The following GPN2 variants were observed in gnomAD, a reference collection of about 807,000 sequenced individuals.
GPN2 encodes ATP-binding domain 1 family member B.
GPN2 carries 27 observed loss-of-function variants against 30.1 expected under a neutral mutation model. The ratio of observed to expected loss-of-function variants is 0.90; its 90% CI spans 0.66 to 1.24. GPN2 has a LOEUF of 1.24. Ranked by LOEUF, GPN2 falls within the 50% of genes most tolerant of loss-of-function variation. The pLI is 0.00. For missense variants in GPN2, 406 were observed against 405.4 expected (o/e 1.00, Z -0.01); for synonymous variants, 212 against 174.4 (o/e 1.22, Z -1.70).
chr1:26,890,256 G>C lies in GPN2; in HGVS notation c.-160C>G, dbSNP rs918393436. ...CAGCTGAGACCGTGTCGCGCAAAAGGAGATAACAGGCCGATACTAACTAGA... is the reference window on the plus strand; with the variant it reads ...CAGCTGAGACCGTGTCGCGCAAAAGCAGATAACAGGCCGATACTAACTAGA... On this transcript the variant is annotated 5_prime_UTR_variant, in exon 1 of 5. Transcript: ENST00000374135. The C allele has an allele frequency of 4.7e-6, 3 of 633,326 alleles. No individual in the cohort carries two copies. Among genetic ancestry groups the C allele is most frequent in the Non-Finnish European group, 7.8e-6 (3 of 383,206 alleles). The allele number at this position is 633,326 out of a possible 1,614,324, so 39.2% of individuals were successfully genotyped here.
intron 4 of GPN2, among the ~76,000 whole-genome samples, chr1:26,881,849 G>A (rs1002539267): frequency 2.6e-5 from 4 of 152,090 alleles, no homozygotes; most frequent in Non-Finnish European, 5.9e-5. Flanking sequence ...GTTCAAGGTC[G>A]CAGTGAGCTA....
chr1:26,882,551 G>A (rs1224166290), intron 4 of GPN2, among the ~76,000 whole-genome samples: 2 of 152,064 alleles, frequency 1.3e-5, no homozygotes, highest in East Asian at 1.9e-4. Flanking sequence ...CATATGGCTC[G>A]AGAAACATCA....
rs1002531362 is a variant in GPN2, at chr1:26,876,739, C to T, written c.*2938G>A. On this transcript the variant is annotated 3_prime_UTR_variant, in exon 5 of 5. Coordinates refer to ENST00000374135, the MANE Select transcript of GPN2 (RefSeq NM_018066.4). ...AGAGAACAGAAAATCATTTTGCTGCCAGTGGAAGGTAGACAGAAGCTACGT... is the reference window on the plus strand; with the variant it reads ...AGAGAACAGAAAATCATTTTGCTGCTAGTGGAAGGTAGACAGAAGCTACGT... The T allele has an allele frequency of 6.6e-6, 1 of 151,918 alleles. No homozygotes were observed. Among genetic ancestry groups the T allele is most frequent in the Admixed American group, 6.6e-5 (1 of 15,218 alleles). 9.4% of individuals were successfully genotyped at this position (151,918 alleles called of 1,614,324 possible). A position where few individuals can be genotyped will look rare whatever the true frequency, so the allele number is the denominator to read the frequency against.
In GPN2 at chr1:26,884,193, G is replaced by C; in HGVS notation, c.827C>G (p.Ser276Cys). The C allele has an allele frequency of 6.2e-7, 1 of 1,613,970 alleles. No individual in the cohort carries two copies. The highest frequency in any genetic ancestry group is 8.5e-7 in the Non-Finnish European group (1 of 1,179,964). Residue 276 changes from serine (S) to cysteine (C), a missense_variant, in exon 4 of 5, where the codon TCT becomes TGT. Ser to Cys is a moderately radical substitution (Grantham distance 112, BLOSUM62 -1). Transcript: ENST00000374135. Reference sequence around the variant, plus strand: ...ATGGAAGTCGGCTCCCATTGCGGCAGACATCATGGCTTCCAAGCTTCGCTG... The same window carrying C: ...ATGGAAGTCGGCTCCCATTGCGGCACACATCATGGCTTCCAAGCTTCGCTG... ...QEQRSLEAMMSAAMGADFHFS... is the reference protein window; with the variant it reads ...QEQRSLEAMMCAAMGADFHFS...
At chr1:26,880,514 T>C (rs1570690229) in intron 4 of GPN2, among the ~76,000 whole-genome samples, 1 of 152,186 alleles carries the variant, frequency 6.6e-6, no homozygotes, top group Non-Finnish European at 1.5e-5. Flanking sequence ...GGTTTCACCA[T>C]GTTGACAGAA....
Position 26,878,699 on chromosome 1 carries a change from A to T in GPN2, c.*978T>A, listed in dbSNP as rs1377386566. On this transcript the variant is annotated 3_prime_UTR_variant, in exon 5 of 5. Coordinates refer to ENST00000374135, the MANE Select transcript of GPN2 (RefSeq NM_018066.4). ...AACCTCTGACTCCTGGGTTCAAATG[A>T]TTCTCCTGCCTCAGCCTCCCAAGTA... 1.3e-5 allele frequency: 2 copies of T among 152,010 alleles called. No homozygotes were observed. Among genetic ancestry groups the T allele is most frequent in the South Asian group, 2.1e-4 (1 of 4,828 alleles). The allele number at this position is 152,010 out of a possible 1,614,324, so 9.4% of individuals were successfully genotyped here. A position where few individuals can be genotyped will look rare whatever the true frequency, so the allele number is the denominator to read the frequency against.
Position 26,879,561 on chromosome 1 carries a change from C to T in GPN2, c.*116G>A, listed in dbSNP as rs886293037. 6.4e-6 allele frequency: 5 copies of T among 785,684 alleles called. No individual in the cohort carries two copies. The highest frequency in any genetic ancestry group is 2.1e-5 in the Admixed American group (1 of 47,728). 48.7% of individuals were successfully genotyped at this position (785,684 alleles called of 1,614,324 possible). A position where few individuals can be genotyped will look rare whatever the true frequency, so the allele number is the denominator to read the frequency against. ...CTTTGCAGAGCTGAATATCCCCTTGCCAGCCCGCCAGCTCTGGCTGGGAGG... is the reference window on the plus strand; with the variant it reads ...CTTTGCAGAGCTGAATATCCCCTTGTCAGCCCGCCAGCTCTGGCTGGGAGG... On this transcript the variant is annotated 3_prime_UTR_variant, in exon 5 of 5. Coordinates refer to ENST00000374135, the MANE Select transcript of GPN2 (RefSeq NM_018066.4).
Position 26,889,964 on chromosome 1 carries a change from G to T in GPN2, c.133C>A (p.Leu45Met). 6.2e-7 allele frequency: 1 copy of T among 1,605,752 alleles called. No individual in the cohort carries two copies. The highest frequency in any genetic ancestry group is 8.5e-7 in the Non-Finnish European group (1 of 1,179,298). The change falls in exon 1 of 5, where the codon CTG (leucine) becomes ATG (methionine). Residue 45 changes from leucine to methionine, a missense_variant. By Grantham distance (15) the Leu-to-Met change is conservative (BLOSUM62 2). Coordinates refer to ENST00000374135, the MANE Select transcript of GPN2 (RefSeq NM_018066.4). ...GGCAGCCCCTCGTTGGCCGGGTCCA[G>T]GTTCACCACCGCCACGCGCCGGCCC... ...ALGRRVAVVN[L>M]DPANEGLPYE...
chr1:26,886,672 G>C, intron 2 of GPN2: 1 of 341,934 alleles, frequency 2.9e-6, no homozygotes, highest in Non-Finnish European at 5.8e-6. Context: ...CAAAAAATTA[G>C]CTGGGCGTGG....
rs562111085 is a variant in GPN2, at chr1:26,886,585, G to A, written c.569-452C>T. 156 of 399,484 alleles carry A rather than the reference G, an allele frequency of 3.9e-4. 1 individual carries two copies. The highest frequency in any genetic ancestry group is 2.9e-3 in the African/African-American group (143 of 48,764). 24.7% of individuals were successfully genotyped at this position (399,484 alleles called of 1,614,324 possible). On this transcript the variant is annotated intron_variant, in intron 2 of 4. Coordinates refer to ENST00000374135, the MANE Select transcript of GPN2 (RefSeq NM_018066.4). Reference sequence around the variant, plus strand: ...CAAGCCTGTAATCCCAGCACTTTGGGAGATGGACGGATCACAAGGTCAGGA... The same window carrying A: ...CAAGCCTGTAATCCCAGCACTTTGGAAGATGGACGGATCACAAGGTCAGGA...
chr1:26,883,075 TAA>T (rs1314655208), intron 4 of GPN2, among the ~76,000 whole-genome samples: 1 of 152,230 alleles, frequency 6.6e-6, no homozygotes, highest in African/African-American at 2.4e-5. Context: ...AGCAAGACTG[TAA>T]AACTCTTTTG....
At position 26,890,051 on chromosome 1, in the gene GPN2, C is replaced by G. The variant is rs1366361037; in HGVS notation, c.46G>C (p.Gly16Arg). 2 of 1,581,354 alleles carry G rather than the reference C, an allele frequency of 1.3e-6. No individual in the cohort carries two copies. The highest frequency in any genetic ancestry group is 1.3e-5 in the African/African-American group (1 of 74,428). The part of the protein sequence containing the change: ...PTTAFGQAVI[G>R]PPGSGKTTYC... ...GTGGTCTTCCCTGAGCCCGGCGGGC[C>G]GATCACCGCCTGCCCGAAGGCCGTG... The change falls in exon 1 of 5, where the codon GGC becomes CGC. Residue 16 changes from glycine to arginine, a missense_variant. By Grantham distance (125) the Gly-to-Arg change is moderately radical (BLOSUM62 -2). Transcript: ENST00000374135.
At chr1:26,881,261 A>G (rs1205254190) in intron 4 of GPN2, among the ~76,000 whole-genome samples, 1 of 152,190 alleles carries the variant, frequency 6.6e-6, no homozygotes, top group East Asian at 1.9e-4. Context: ...AACCTACCAC[A>G]CATCATAGCT....
intron 3 of GPN2, 56 bp from the exon 4 acceptor site, chr1:26,884,346 C>T: frequency 2.6e-6 from 4 of 1,548,164 alleles, no homozygotes; most frequent in Non-Finnish European, 3.5e-6. Context: ...TGTAAAACTG[C>T]TTGCAATCTC....
In GPN2 at chr1:26,884,108, T is replaced by C. The variant is rs2081878251; in HGVS notation, c.860+52A>G. 10 of 1,535,276 alleles carry C rather than the reference T, an allele frequency of 6.5e-6. No individual in the cohort carries two copies. In the East Asian group the frequency reaches 2.3e-4, roughly 35 times the overall value. On this transcript the variant is annotated intron_variant, in intron 4 of 4. Coordinates refer to ENST00000374135, the MANE Select transcript of GPN2 (RefSeq NM_018066.4). ...TGACTGCACCTCCTGTGGCCATTCTTGAGTCCCATGTCTCACCCTCTCTGC... is the reference window on the plus strand; with the variant it reads ...TGACTGCACCTCCTGTGGCCATTCTCGAGTCCCATGTCTCACCCTCTCTGC...
intron 2 of GPN2, 108 bp downstream of exon 2, chr1:26,888,861 T>C (rs2081904916): frequency 4.7e-6 from 5 of 1,060,176 alleles, no homozygotes; most frequent in East Asian, 2.4e-5. Flanking sequence ...CTGTGGCTAC[T>C]ATCACCAGAC....
At chr1:26,881,712 C>G (rs1304319281) in intron 4 of GPN2, among the ~76,000 whole-genome samples, 1 of 152,154 alleles carries the variant, frequency 6.6e-6, no homozygotes, top group Non-Finnish European at 1.5e-5. Flanking sequence ...CCAGCCTGGG[C>G]AACAGAGTGA....
chr1:26,884,352 A>G lies in GPN2; in HGVS notation c.730-62T>C, dbSNP rs1313481869. 3.9e-6 allele frequency: 6 copies of G among 1,532,312 alleles called. No individual in the cohort carries two copies. In the East Asian group the frequency reaches 6.9e-5, roughly 18 times the overall value. 94.9% of individuals were successfully genotyped at this position (1,532,312 alleles called of 1,614,324 possible). A position where few individuals can be genotyped will look rare whatever the true frequency, so the allele number is the denominator to read the frequency against. ...ACAGAAGTATGTAAAACTGCTTGCA[A>G]TCTCTAAATACACCTTCCTCCATCT... On this transcript the variant is annotated intron_variant, in intron 3 of 4. Coordinates refer to ENST00000374135, the MANE Select transcript of GPN2 (RefSeq NM_018066.4).
In GPN2 at chr1:26,889,725, C is replaced by A; in HGVS notation, c.372G>T (p.Leu124Phe). Residue 124 changes from leucine to phenylalanine, a missense_variant, in exon 1 of 5, where the codon TTG (leucine) becomes TTT (phenylalanine). Coordinates refer to ENST00000374135, the MANE Select transcript of GPN2 (RefSeq NM_018066.4). ...GCGCCATTTGGGAGAAGATGCTGCG[C>A]AAGGCGCCGTGATGCGTGCAGAGCT... The part of the protein sequence containing the change: ...QVELCTHHGA[L>F]RSIFSQMAQW... 2 of 1,602,482 alleles carry A rather than the reference C, an allele frequency of 1.2e-6. No homozygotes were observed. The highest frequency in any genetic ancestry group is 1.1e-5 in the South Asian group (1 of 90,092).
Sources: allele counts gnomAD v4.1 joint callset (sites outside exome capture counted in the v4.1 genomes callset), GRCh38; gene constraint gnomAD v4.1.1; transcripts MANE v1.5; gene names NCBI Gene and HGNC (gene_info 2026-07-23, HGNC 2026-07-21).